The following NXPH1 variants were observed in gnomAD, a reference collection of about 807,000 sequenced individuals.
NXPH1 encodes the protein neurexophilin 1.
Under a neutral mutation model 23.7 loss-of-function variants are expected in NXPH1, and 5 were observed. That is an observed-to-expected ratio of 0.21 (90% CI 0.11 to 0.44). NXPH1 has a LOEUF of 0.44. Among genes scored for constraint, NXPH1 ranks in the 20% least tolerant of loss-of-function variants. The probability of loss-of-function intolerance (pLI) is 0.99; values close to 1 mark genes in which losing one functional copy is unlikely to be tolerated. For synonymous variants in NXPH1, 144 were observed against 122.2 expected (o/e 1.18, Z -1.18); for missense variants, 324 against 321.6 (o/e 1.01, Z -0.06).
chr7:8,700,698 G>A (rs1363694858), intron 2 of NXPH1, among the ~76,000 whole-genome samples: 5 of 151,988 alleles, frequency 3.3e-5, no homozygotes, highest in Admixed American at 2.6e-4. Context: ...GAGAATTTGG[G>A]GTAGCTCCCT....
At chr7:8,691,421 T>C (rs1322875098) in intron 2 of NXPH1, among the ~76,000 whole-genome samples, 6 of 152,184 alleles carry the variant, frequency 3.9e-5, no homozygotes, top group African/African-American at 1.2e-4. Context: ...AGTGCTGGGA[T>C]CATAGGCGTG....
intron 2 of NXPH1, among the ~76,000 whole-genome samples, chr7:8,707,776 T>A (rs1017155114): frequency 1.3e-5 from 2 of 152,118 alleles, no homozygotes; most frequent in African/African-American, 2.4e-5. Flanking sequence ...TTTGATTTCT[T>A]CTCTTCTAAA....
At chr7:8,704,926 C>T (rs975637739) in intron 2 of NXPH1, among the ~76,000 whole-genome samples, 27 of 152,032 alleles carry the variant, frequency 1.8e-4, no homozygotes, top group African/African-American at 6.5e-4. Flanking sequence ...TAAAATCTTC[C>T]TTCAAGTTCT....
chr7:8,727,672 G>A (rs1449482405), intron 2 of NXPH1, among the ~76,000 whole-genome samples: 2 of 152,034 alleles, frequency 1.3e-5, no homozygotes, highest in Admixed American at 1.3e-4. Flanking sequence ...ATTTCTGAGG[G>A]CTCTGTTCTG....
chr7:8,644,081 A>G (rs965726931), intron 2 of NXPH1, among the ~76,000 whole-genome samples: 2 of 152,200 alleles, frequency 1.3e-5, no homozygotes, highest in African/African-American at 4.8e-5. Context: ...CTTACATACT[A>G]CATAGTTATC....
At chr7:8,665,510 G>A (rs1820746511) in intron 2 of NXPH1, among the ~76,000 whole-genome samples, 1 of 151,842 alleles carries the variant, frequency 6.6e-6, no homozygotes, top group African/African-American at 2.4e-5. Context: ...TCTATTTGTG[G>A]TTCCATATAA....
chr7:8,480,716 C>G (rs1214609628), intron 2 of NXPH1, among the ~76,000 whole-genome samples: 1 of 152,116 alleles, frequency 6.6e-6, no homozygotes, highest in Non-Finnish European at 1.5e-5. Context: ...ATTTATCCAT[C>G]TATCGTGTGA....
chr7:8,589,991 G>A (rs1016923083), intron 2 of NXPH1, among the ~76,000 whole-genome samples: 1 of 152,116 alleles, frequency 6.6e-6, no homozygotes, highest in Non-Finnish European at 1.5e-5. Context: ...CAAAGTCAGT[G>A]CAGGCATAGA....
At chr7:8,620,623 A>T (rs1819847495) in intron 2 of NXPH1, among the ~76,000 whole-genome samples, 1 of 152,170 alleles carries the variant, frequency 6.6e-6, no homozygotes, top group Admixed American at 6.6e-5. Flanking sequence ...AATTAAGGAG[A>T]TCTGAGAGAG....
At chr7:8,521,286 A>G (rs1205690399) in intron 2 of NXPH1, among the ~76,000 whole-genome samples, 1 of 152,200 alleles carries the variant, frequency 6.6e-6, no homozygotes, top group Non-Finnish European at 1.5e-5. Context: ...GGGAAATATG[A>G]TGTACACTCA....
intron 2 of NXPH1, among the ~76,000 whole-genome samples, chr7:8,659,694 C>CA (rs1193732259): frequency 6.6e-6 from 1 of 152,124 alleles, no homozygotes. Context: ...AACAAACCTG[C>CA]ACGTTGTGCA....
chr7:8,633,779 C>T (rs1027235411), intron 2 of NXPH1, among the ~76,000 whole-genome samples: 1 of 152,154 alleles, frequency 6.6e-6, no homozygotes, highest in Non-Finnish European at 1.5e-5. Flanking sequence ...TTGACAGTCT[C>T]TCTTGAGTTG....
At chr7:8,586,927 A>G (rs2128624724) in intron 2 of NXPH1, among the ~76,000 whole-genome samples, 1 of 152,280 alleles carries the variant, frequency 6.6e-6, no homozygotes, top group South Asian at 2.1e-4. Context: ...ACTATTGTTG[A>G]CATTAGGTAA....
intron 2 of NXPH1, among the ~76,000 whole-genome samples, chr7:8,649,197 T>C (rs1314630327): frequency 1.3e-5 from 2 of 152,202 alleles, no homozygotes; most frequent in Admixed American, 6.5e-5. Context: ...TTCTTTTTAC[T>C]GGAGAGTGAG....
intron 2 of NXPH1, among the ~76,000 whole-genome samples, chr7:8,437,230 A>T (rs1816212453): frequency 6.6e-6 from 1 of 152,204 alleles, no homozygotes; most frequent in Admixed American, 6.5e-5. Flanking sequence ...GAATGCAAAA[A>T]GTGTCCTTCC....
At chr7:8,439,732 A>T (rs750142030) in intron 2 of NXPH1, among the ~76,000 whole-genome samples, 5 of 152,198 alleles carry the variant, frequency 3.3e-5, no homozygotes, top group Non-Finnish European at 7.3e-5. Context: ...AGAGTAATTA[A>T]TGTATCTATG....
rs1270520523 is a variant in NXPH1 at position 8,752,475 on chromosome 7, G to T, written c.*706G>T. The T allele has an allele frequency of 2.0e-5, 3 of 152,484 alleles. No individual in the cohort carries two copies. Among genetic ancestry groups the T allele is most frequent in the Non-Finnish European group, 4.4e-5 (3 of 68,032 alleles). 9.4% of individuals were successfully genotyped at this position (152,484 alleles called of 1,614,324 possible). A position where few individuals can be genotyped will look rare whatever the true frequency, so the allele number is the denominator to read the frequency against. On this transcript the variant is annotated 3_prime_UTR_variant, in exon 3 of 3. Transcript: ENST00000405863. ...TGGAATTTACATGTGGGCAGACATT[G>T]GGATAACAACTTTCATCACCAATCA...
chr7:8,506,318 A>G (rs2128613274), intron 2 of NXPH1, among the ~76,000 whole-genome samples: 1 of 152,240 alleles, frequency 6.6e-6, no homozygotes, highest in Non-Finnish European at 1.5e-5. Context: ...TACATCATCC[A>G]GTGTCCTGAG....
chr7:8,538,521 G>C (rs1401825810), intron 2 of NXPH1, among the ~76,000 whole-genome samples: 1 of 151,864 alleles, frequency 6.6e-6, no homozygotes, highest in Admixed American at 6.6e-5. Context: ...AAGATAATGG[G>C]TACCAACCTC....
Sources: allele counts gnomAD v4.1 joint callset (sites outside exome capture counted in the v4.1 genomes callset), GRCh38; gene constraint gnomAD v4.1.1; transcripts MANE v1.5; gene names NCBI Gene and HGNC (gene_info 2026-07-23, HGNC 2026-07-21).